Variants in HSPA8 observed in about 807,000 individuals in gnomAD.
HSPA8 encodes the protein heat shock protein family A (Hsp70) member 8.
In HSPA8, 2 loss-of-function variants were observed where a neutral mutation model predicts 52.8. The ratio of observed to expected loss-of-function variants is 0.04; its 90% confidence interval spans 0.02 to 0.12. The LOEUF is 0.12. Ranked by LOEUF, HSPA8 falls within the 10% of genes least tolerant of loss-of-function variation. The probability of loss-of-function intolerance (pLI) is 1.00; values close to 1 mark genes in which losing one functional copy is unlikely to be tolerated. For synonymous variants in HSPA8, 436 were observed against 274.0 expected, an observed-to-expected ratio of 1.59 and a Z score of -5.84; for missense variants, 349 against 800.5, an observed-to-expected ratio of 0.44 and a Z score of 6.81.
intron 6 of HSPA8, 108 bp downstream of exon 6, chr11:123,058,951 T>G: frequency 7.1e-7 from 1 of 1,399,204 alleles, no homozygotes; most frequent in South Asian, 1.2e-5. Context: ...CATAAGACTT[T>G]CTGGTGGAAA....
chr11:123,061,564 G>T (rs368572252), intron 1 of HSPA8: 64 of 559,962 alleles, frequency 1.1e-4, no homozygotes, highest in Middle Eastern at 4.8e-4. Context: ...ACGGCGTGGG[G>T]CGTTGCTCAA....
intron 6 of HSPA8, 86 bp from the exon 7 acceptor site, chr11:123,058,916 A>G (rs1461496): frequency 0.64 from 920,419 of 1,428,906 alleles, 300,336 homozygotes; most frequent in African/African-American, 0.93. Context: ...TGGTCGCTCA[A>G]ACATCCAAGG....
chr11:123,060,733 G>C lies in HSPA8; in HGVS notation c.271C>G (p.Pro91Ala). 6.2e-7 allele frequency: 1 copy of C among 1,613,922 alleles called. No homozygotes were observed. Among genetic ancestry groups the C allele is most frequent in the Non-Finnish European group, 8.5e-7 (1 of 1,179,976 alleles). Reference sequence around the variant, plus strand: ...CCAGCATCATTCACCACCATAAAGGGCCAATGTTTCATATCAGACTGGACA... The same window carrying C: ...CCAGCATCATTCACCACCATAAAGGCCCAATGTTTCATATCAGACTGGACA... Reference protein sequence around the residue: ...AVVQSDMKHWPFMVVNDAGRP... With the variant: ...AVVQSDMKHWAFMVVNDAGRP... The change falls in exon 3 of 9, where the codon CCC (proline) becomes GCC (alanine). Residue 91 changes from proline (P) to alanine (A), a missense_variant. Pro to Ala is a conservative substitution (Grantham distance 27). Transcript: ENST00000534624.
intron 3 of HSPA8, 107 bp from the exon 4 acceptor site, chr11:123,060,375 C>G (rs990719818): frequency 2.7e-6 from 3 of 1,121,808 alleles, no homozygotes; most frequent in South Asian, 1.4e-5. Flanking sequence ...GCACCCCCCC[C>G]ACCAAAATGT....
intron 1 of HSPA8, 177 bp downstream of exon 1, chr11:123,061,887 G>A (rs941468042): frequency 1.3e-5 from 2 of 157,720 alleles, no homozygotes; most frequent in Admixed American, 6.1e-5. Context: ...CCTGCCGGCT[G>A]CAACCAAATA....
intron 3 of HSPA8, 55 bp downstream of exon 3, chr11:123,060,538 T>C: frequency 7.5e-7 from 1 of 1,328,326 alleles, no homozygotes; most frequent in Non-Finnish European, 1.1e-6. Context: ...CCCCCGGGAG[T>C]CATCGGGCTT....
Position 123,061,298 on chromosome 11 carries a change from A to G in HSPA8, c.27T>C (p.Ile9=). The G allele has an allele frequency of 6.2e-7, 1 of 1,613,920 alleles. No homozygotes were observed. The highest frequency in any genetic ancestry group is 8.5e-7 in the Non-Finnish European group (1 of 1,179,802). The part of the protein sequence containing the change: MSKGPAVG[I]DLGTTYSCVG... ...CACAAGAGTAGGTGGTGCCAAGATC[A>G]ATACCAACTGCAGGTCCCTTGGACA... The change falls in exon 2 of 9, where the codon ATT becomes ATC. Residue 9 remains isoleucine (I), a synonymous_variant. Coordinates refer to ENST00000534624, the MANE Select transcript of HSPA8 (RefSeq NM_006597.6).
In HSPA8 at chr11:123,059,924, A is replaced by G. The variant is rs1865441327; in HGVS notation, c.669T>C (p.Ala223=). 6.2e-7 allele frequency: 1 copy of G among 1,613,932 alleles called. No individual in the cohort carries two copies. Among genetic ancestry groups the G allele is most frequent in the Non-Finnish European group, 8.5e-7 (1 of 1,180,008 alleles). The change falls in exon 5 of 9, where the codon GCT becomes GCC. Residue 223 remains alanine, a synonymous_variant. Transcript: ENST00000534624. ...EDGIFEVKST[A]GDTHLGGEDF... ...CTTCTCCACCCAAGTGGGTGTCTCCAGCTGTAGACTTGACCTCAAAGATTC... is the reference window on the plus strand; with the variant it reads ...CTTCTCCACCCAAGTGGGTGTCTCCGGCTGTAGACTTGACCTCAAAGATTC...
chr11:123,062,434 G>A (rs2135450755), upstream of HSPA8: 1 of 152,440 alleles, frequency 6.6e-6, no homozygotes, highest in South Asian at 2.1e-4. Context: ...TCCGCGCGCG[G>A]GAGTCCTCAG....
intron 3 of HSPA8, 59 bp downstream of exon 3, chr11:123,060,534 G>C: frequency 1.5e-6 from 2 of 1,300,038 alleles, no homozygotes; most frequent in Non-Finnish European, 2.2e-6. Context: ...AGTGCCCCCG[G>C]GAGTCATCGG....
rs1219667932 is a variant in HSPA8, at chr11:123,058,482, G to A, written c.1525C>T (p.Arg509Cys). The change falls in exon 8 of 9, where the codon CGT becomes TGT. Residue 509 changes from arginine to cysteine, a missense_variant and splice_region_variant. Coordinates refer to ENST00000534624, the MANE Select transcript of HSPA8 (RefSeq NM_006597.6). ...NKITITNDKG[R>C]LSKEDIERMV... Reference sequence around the variant, plus strand: ...CGTTCAATGTCTTCCTTGCTCAAACGGCCTAGGAAAGAAATTAACTCTAAG... The same window carrying A: ...CGTTCAATGTCTTCCTTGCTCAAACAGCCTAGGAAAGAAATTAACTCTAAG... The A allele has an allele frequency of 1.9e-6, 3 of 1,613,196 alleles. No individual in the cohort carries two copies. Among genetic ancestry groups the A allele is most frequent in the African/African-American group, 1.3e-5 (1 of 74,848 alleles).
At chr11:123,061,913 CG>C (rs1204668402) in intron 1 of HSPA8, 150 bp downstream of exon 1, 1 of 157,592 alleles carries the variant, frequency 6.3e-6, no homozygotes, top group African/African-American at 2.4e-5. Context: ...GCCATCCCAC[CG>C]AAAACTGAGG....
chr11:123,058,238 A>AAAC lies in HSPA8; in HGVS notation c.1755+13_1755+14insGTT. On this transcript the variant is annotated intron_variant, in intron 8 of 8. Coordinates refer to ENST00000534624, the MANE Select transcript of HSPA8 (RefSeq NM_006597.6). ...TTGAGTGGGGGAGGAAAAAAAAAAAAAAAAAACACAAACCTGATTCTTATC... is the reference window on the plus strand; with the variant it reads ...TTGAGTGGGGGAGGAAAAAAAAAAAAAACAAAAAACACAAACCTGATTCTTATC... 1.3e-6 allele frequency: 2 copies of AAAC among 1,506,326 alleles called. No individual in the cohort carries two copies. The highest frequency in any genetic ancestry group is 2.8e-5 in the African/African-American group (2 of 70,710). The allele number at this position is 1,506,326 out of a possible 1,614,324, so 93.3% of individuals were successfully genotyped here.
Position 123,059,750 on chromosome 11 carries a change from A to G in HSPA8, c.843T>C (p.Ser281=). 1 of 1,613,972 alleles carries G rather than the reference A, an allele frequency of 6.2e-7. No homozygotes were observed. The change falls in exon 5 of 9, where the codon AGT becomes AGC. Residue 281 remains serine (S), a synonymous_variant. Transcript: ENST00000534624. ...CTTCATAGAGAGAATCGATCTCAAT[A>G]CTGGCCTGGGTGCTGGAAGAGAGGG... The part of the protein sequence containing the change: ...KRTLSSSTQA[S]IEIDSLYEGI...
At position 123,061,598 on chromosome 11, in the gene HSPA8, G is replaced by A. The variant is rs968526000; in HGVS notation, c.-5-269C>T. ...AACACGTGGTCTTACCCCGAACTGA[G>A]CACTGTCTGTTCCCCTCCCTCGCCA... On this transcript the variant is annotated intron_variant, in intron 1 of 8. Coordinates refer to ENST00000534624, the MANE Select transcript of HSPA8 (RefSeq NM_006597.6). 4.4e-5 allele frequency: 22 copies of A among 502,784 alleles called. No individual in the cohort carries two copies. The Admixed American group carries it at 6.3e-4, about 14-fold the overall frequency. The allele number at this position is 502,784 out of a possible 1,614,324, so 31.1% of individuals were successfully genotyped here.
Position 123,060,472 on chromosome 11 carries a change from T to G in HSPA8, c.411+121A>C, listed in dbSNP as rs990215076. 5.4e-6 allele frequency: 5 copies of G among 920,036 alleles called. No individual in the cohort carries two copies. In the Admixed American group the frequency reaches 1.0e-4, roughly 19 times the overall value. The allele number at this position is 920,036 out of a possible 1,614,324, so 57.0% of individuals were successfully genotyped here. A position where few individuals can be genotyped will look rare whatever the true frequency, so the allele number is the denominator to read the frequency against. ...AGAGCCTAGGGCACTGTTGGGCACG[T>G]GGTCTTAACCCTGAGCTGAGCCCCA... On this transcript the variant is annotated intron_variant, in intron 3 of 8. Transcript: ENST00000534624.
chr11:123,058,547 T>G, intron 7 of HSPA8, 63 bp from the exon 8 acceptor site: 2 of 1,574,300 alleles, frequency 1.3e-6, no homozygotes, highest in Non-Finnish European at 1.7e-6. Context: ...AACTCTAGTT[T>G]CTCTTAGCTA....
At chr11:123,060,457 G>A (rs965962103) in intron 3 of HSPA8, 136 bp downstream of exon 3, 15 of 878,028 alleles carry the variant, frequency 1.7e-5, no homozygotes, top group Non-Finnish European at 2.6e-5. Flanking sequence ...AGAGCCTAGG[G>A]CACTGTTGGG....
At chr11:123,061,427 G>A (rs1187105851) in intron 1 of HSPA8, 98 bp from the exon 2 acceptor site, 5 of 893,824 alleles carry the variant, frequency 5.6e-6, no homozygotes, top group South Asian at 4.5e-5. Flanking sequence ...TATGGCCACT[G>A]CCAAGAGGTA....
Sources: allele counts gnomAD v4.1 joint callset, GRCh38; gene constraint gnomAD v4.1.1; transcripts MANE v1.5; gene names NCBI Gene and HGNC (gene_info 2026-07-23, HGNC 2026-07-21).